Variants in TTC13 observed in about 807,000 individuals in gnomAD.
TTC13 encodes the protein tetratricopeptide repeat domain 13.
TTC13 carries 62 observed loss-of-function variants against 120.0 expected under a neutral mutation model. That is an observed-to-expected ratio of 0.52 (90% CI 0.42 to 0.64). The LOEUF is 0.64. Among genes scored for constraint, TTC13 ranks in the 30% least tolerant of loss-of-function variants. The pLI is 0.00. For synonymous variants in TTC13, 384 were observed against 393.5 expected (o/e 0.98, Z 0.28); for missense variants, 824 against 1,050.2 (o/e 0.78, Z 2.98).
intron 20 of TTC13, among the ~76,000 whole-genome samples, chr1:230,909,550 T>G (rs1220247504): frequency 6.6e-6 from 1 of 152,212 alleles, no homozygotes; most frequent in African/African-American, 2.4e-5. Flanking sequence ...AAAAATTGCT[T>G]GAACCCGGGA....
At position 230,942,368 on chromosome 1, in the gene TTC13, T is replaced by C. The variant is rs2102883454; in HGVS notation, c.672+1438A>G. Among the ~76,000 whole-genome samples the C allele has an allele frequency of 6.6e-6, 1 of 152,258 alleles. No individual in the cohort carries two copies. The highest frequency in any genetic ancestry group is 2.1e-4 in the South Asian group (1 of 4,822). On this transcript the variant is annotated intron_variant, in intron 6 of 22. Transcript: ENST00000366661. The surrounding 1 kb of genome is among the most constrained non-coding windows in gnomAD (Gnocchi z 4.0). ...ACTATAGTCACTTAACCCTTAGGGT[T>C]ACAATTCAAAATAGAGAAGAGGTAA...
chr1:230,964,759 A>T (rs889029414), intron 1 of TTC13, among the ~76,000 whole-genome samples: 1 of 152,210 alleles, frequency 6.6e-6, no homozygotes, highest in Non-Finnish European at 1.5e-5. Flanking sequence ...CCAAAACAGC[A>T]TGGTACTGGC....
In TTC13 at chr1:230,940,163, A is replaced by G. The variant is rs1674410190; in HGVS notation, c.789+277T>C. Among the ~76,000 whole-genome samples the G allele has an allele frequency of 1.3e-5, 2 of 152,236 alleles. No homozygotes were observed. On this transcript the variant is annotated intron_variant, in intron 7 of 22. Transcript: ENST00000366661. This position sits in a 1 kb window ranked among gnomAD's most constrained non-coding sequence, Gnocchi z 4.1. ...GAGGACATTTGCGAGAAAGATTGAC[A>G]TACAATCCACAAACTAAATTTATCT...
At chr1:230,949,901 G>C (rs1290541587) in intron 4 of TTC13, among the ~76,000 whole-genome samples, 1 of 152,080 alleles carries the variant, frequency 6.6e-6, no homozygotes, top group Non-Finnish European at 1.5e-5. Context: ...CGCCCGCCTT[G>C]GCCTCCCAAA....
intron 22 of TTC13, 55 bp from the exon 23 acceptor site, chr1:230,907,074 AAGGGCAG>A: frequency 1.4e-6 from 1 of 729,670 alleles, no homozygotes; most frequent in Non-Finnish European, 2.2e-6. Context: ...TTTGCAAAAA[AAGGGCAG>A]AGCTTATATT....
chr1:230,939,574 G>T, intron 7 of TTC13, 78 bp from the exon 8 acceptor site: 1 of 967,230 alleles, frequency 1.0e-6, no homozygotes, highest in Non-Finnish European at 1.5e-6. Flanking sequence ...TTGGCTGGTA[G>T]AGAAAAAAAA....
At chr1:230,973,142 A>G (rs1434803758) in intron 1 of TTC13, among the ~76,000 whole-genome samples, 2 of 152,240 alleles carry the variant, frequency 1.3e-5, no homozygotes, top group Non-Finnish European at 2.9e-5. Flanking sequence ...GGTTACCACA[A>G]TTGCTATGAC....
chr1:230,957,124 A>T (rs896772260), intron 3 of TTC13, among the ~76,000 whole-genome samples: 2 of 152,224 alleles, frequency 1.3e-5, no homozygotes, highest in African/African-American at 4.8e-5. Flanking sequence ...CTGATGCCTT[A>T]AAGGGCAGTC....
chr1:230,918,502 A>C (rs1369262745), intron 17 of TTC13, among the ~76,000 whole-genome samples: 2 of 152,152 alleles, frequency 1.3e-5, no homozygotes, highest in African/African-American at 4.8e-5. Context: ...CTTTGCGTGG[A>C]CATTTTTTAG....
chr1:230,948,067 G>A (rs1675177656), intron 4 of TTC13, among the ~76,000 whole-genome samples: 1 of 152,094 alleles, frequency 6.6e-6, no homozygotes, highest in Admixed American at 6.5e-5. Flanking sequence ...TATACACCAA[G>A]AGTTATCTTT....
intron 4 of TTC13, among the ~76,000 whole-genome samples, chr1:230,952,347 T>G (rs936894794): frequency 4.6e-5 from 7 of 152,162 alleles, no homozygotes; most frequent in Admixed American, 3.3e-4. Context: ...GAGAAATCAC[T>G]GAGGAAAGCA....
In TTC13 at chr1:230,955,490, C is replaced by G. The variant is rs549722815; in HGVS notation, c.443-1087G>C. Among the ~76,000 whole-genome samples the G allele has an allele frequency of 3.4e-4, 51 of 148,068 alleles. No homozygotes were observed. In the Middle Eastern group the frequency reaches 0.01, roughly 30 times the overall value. The stretch of plus-strand genomic sequence containing the variant: ...CATCCTGGCTAACACGGTGAAACCC[C>G]GTCTCTACTAAATATACAAAAAAAA... On this transcript the variant is annotated intron_variant, in intron 3 of 22. Coordinates refer to ENST00000366661, the MANE Select transcript of TTC13 (RefSeq NM_024525.5).
Position 230,945,471 on chromosome 1 carries a change from A to G in TTC13, c.514-17T>C. 1 of 1,612,818 alleles carries G rather than the reference A, an allele frequency of 6.2e-7. No homozygotes were observed. Among genetic ancestry groups the G allele is most frequent in the Non-Finnish European group, 8.5e-7 (1 of 1,178,802 alleles). On this transcript the variant is annotated splice_polypyrimidine_tract_variant and intron_variant, in intron 4 of 22. Coordinates refer to ENST00000366661, the MANE Select transcript of TTC13 (RefSeq NM_024525.5). ...AGGCTCCTCCTAGTCAGACCAAAAC[A>G]AAAACACGTCAAAAACCATAAACAA...
chr1:230,916,377 G>C, intron 17 of TTC13, 75 bp from the exon 18 acceptor site: 1 of 1,069,204 alleles, frequency 9.4e-7, no homozygotes, highest in Non-Finnish European at 1.5e-6. Flanking sequence ...CTGTAGTGCT[G>C]GCTCTACCTT....
chr1:230,956,946 T>A (rs567813477), intron 3 of TTC13, among the ~76,000 whole-genome samples: 2 of 152,132 alleles, frequency 1.3e-5, no homozygotes, highest in South Asian at 4.2e-4. Flanking sequence ...CAAGAAAAAA[T>A]ACTGGATACA....
intron 1 of TTC13, among the ~76,000 whole-genome samples, chr1:230,961,539 G>C (rs919490694): frequency 1.3e-5 from 2 of 151,880 alleles, no homozygotes; most frequent in Non-Finnish European, 2.9e-5. Context: ...CAACCAGGCT[G>C]GGTCTCAAAC....
chr1:230,958,888 T>C (rs376851304), intron 2 of TTC13, among the ~76,000 whole-genome samples: 4 of 152,236 alleles, frequency 2.6e-5, no homozygotes, highest in African/African-American at 9.6e-5. Flanking sequence ...AGCTACTTGG[T>C]TGGGGCTGAG....
intron 20 of TTC13, among the ~76,000 whole-genome samples, chr1:230,911,109 C>CA (rs1028162106): frequency 2.0e-5 from 3 of 152,174 alleles, no homozygotes; most frequent in Non-Finnish European, 4.4e-5. Context: ...GGTCACCTGA[C>CA]AGCCCAAAAT....
At chr1:230,945,069 G>A (rs1459220131) in intron 5 of TTC13, among the ~76,000 whole-genome samples, 1 of 152,090 alleles carries the variant, frequency 6.6e-6, no homozygotes, top group Non-Finnish European at 1.5e-5. Flanking sequence ...TTTAATAATT[G>A]TGAAAGGAAC....
Sources: gnomAD v4.1 joint callset for allele counts (sites outside exome capture counted in the v4.1 genomes callset) on GRCh38, gnomAD v4.1.1 for gene constraint, Gnocchi (gnomAD v3.1) non-coding constraint, MANE v1.5 for transcripts, NCBI Gene and HGNC (gene_info 2026-07-23, HGNC 2026-07-21) for gene names.